TMPRSS6: variants seen among roughly 807,000 people sequenced by gnomAD.
TMPRSS6 encodes transmembrane serine protease 6, also known as transmembrane protease serine 6.
A neutral mutation model predicts 101.5 loss-of-function variants in TMPRSS6; 67 were observed. The observed-to-expected ratio is 0.66, with a 90% CI of 0.54 to 0.81. TMPRSS6 has a LOEUF of 0.81. TMPRSS6 is among the 30% of genes least tolerant of loss of function. The probability of loss-of-function intolerance (pLI) is 0.00; values close to 1 mark genes in which losing one functional copy is unlikely to be tolerated. For synonymous variants in TMPRSS6, 453 were observed against 464.9 expected, an observed-to-expected ratio of 0.97 and a Z score of 0.33; for missense variants, 1,034 against 1,088.7, an observed-to-expected ratio of 0.95 and a Z score of 0.71.
intron 11 of TMPRSS6, 46 bp downstream of exon 11, chr22:37,075,089 A>G (rs762774759): frequency 3.1e-6 from 5 of 1,613,334 alleles, no homozygotes. Context: ...GATGGCCAAG[A>G]GGCAGCGAGT....
chr22:37,105,197 G>A (rs1327507272), intron 1 of TMPRSS6, among the ~76,000 whole-genome samples: 1 of 152,146 alleles, frequency 6.6e-6, no homozygotes. Flanking sequence ...AAGCCACAGT[G>A]ACTCTGTTGA....
chr22:37,108,936 G>A (rs558109831), intron 1 of TMPRSS6, among the ~76,000 whole-genome samples: 1 of 152,260 alleles, frequency 6.6e-6, no homozygotes, highest in South Asian at 2.1e-4. Context: ...ACCCACAGAT[G>A]TACACAGATG....
At chr22:37,098,380 T>A in intron 3 of TMPRSS6, 36 bp downstream of exon 3, 3 of 1,602,210 alleles carry the variant, frequency 1.9e-6, no homozygotes, top group Non-Finnish European at 1.7e-6. Flanking sequence ...TTCACCCCCA[T>A]ATTCCCTCCC....
chr22:37,098,501 C>G lies in TMPRSS6; in HGVS notation c.251G>C (p.Arg84Pro), dbSNP rs750512709. 2.0e-5 allele frequency: 32 copies of G among 1,614,008 alleles called. No individual in the cohort carries two copies. Among genetic ancestry groups the G allele is most frequent in the African/African-American group, 5.3e-5 (4 of 74,886 alleles). ...CTGGGAGAAGTGGCGATTGAGTACA[C>G]GCAGACTGCCTGAGTACACCTGGCT... is the stretch of plus-strand genomic sequence containing the variant. ...MVSQVYSGSL[R>P]VLNRHFSQDL... The change falls in exon 3 of 18, where the codon CGT (arginine) becomes CCT (proline). Residue 84 changes from arginine to proline, a missense_variant. Physicochemically the swap from Arg to Pro is moderately radical, Grantham distance 103 (BLOSUM62 -2). Coordinates refer to ENST00000676104, the MANE Select transcript of TMPRSS6 (RefSeq NM_001374504.1).
At position 37,078,985 on chromosome 22, in the gene TMPRSS6, G is replaced by A. The variant is rs534720705; in HGVS notation, c.1197-3705C>T. Among the ~76,000 whole-genome samples the A allele has an allele frequency of 5.7e-4, 84 of 147,878 alleles. No homozygotes were observed. The East Asian group carries it at 0.015, about 26-fold the overall frequency. The stretch of plus-strand genomic sequence containing the variant: ...AAAGAAAGAAAGAAAAAGAAAGAAA[G>A]AAAGAAAGAAAGAAAGAAAGAAAGA... On this transcript the variant is annotated intron_variant, in intron 10 of 17. Coordinates refer to ENST00000676104, the MANE Select transcript of TMPRSS6 (RefSeq NM_001374504.1).
chr22:37,109,959 A>C (rs2146205898), upstream of TMPRSS6, among the ~76,000 whole-genome samples: 1 of 151,992 alleles, frequency 6.6e-6, no homozygotes, highest in Admixed American at 6.5e-5. Flanking sequence ...AGGGGCTCAC[A>C]AGGGTGAGTC....
rs1325410711 is a variant in TMPRSS6 at position 37,098,546 on chromosome 22, T to A, written c.206A>T (p.Tyr69Phe). The A allele has an allele frequency of 6.2e-7, 1 of 1,614,146 alleles. No individual in the cohort carries two copies. The highest frequency in any genetic ancestry group is 8.5e-7 in the Non-Finnish European group (1 of 1,180,014). Residue 69 changes from tyrosine (Y) to phenylalanine (F), a missense_variant, in exon 3 of 18, where the codon TAC becomes TTC. Tyr to Phe is a conservative substitution (Grantham distance 22). Coordinates refer to ENST00000676104, the MANE Select transcript of TMPRSS6 (RefSeq NM_001374504.1). ...CTGGCTGACCATCACCTCCGCCTTGTACCCTGCCCAGGAAGGAACCAGCAG... is the reference window on the plus strand; with the variant it reads ...CTGGCTGACCATCACCTCCGCCTTGAACCCTGCCCAGGAAGGAACCAGCAG... The part of the protein sequence containing the change: ...AGVLLWYFLG[Y>F]KAEVMVSQVY...
At chr22:37,080,912 C>G (rs1427827693) in intron 10 of TMPRSS6, among the ~76,000 whole-genome samples, 1 of 152,264 alleles carries the variant, frequency 6.6e-6, no homozygotes, top group Non-Finnish European at 1.5e-5. Flanking sequence ...CACACGTGGA[C>G]CACACACACA....
At chr22:37,079,005 G>GAAAGAAAGAAAGAAAGAA (rs1569006332) in intron 10 of TMPRSS6, among the ~76,000 whole-genome samples, 1 of 151,472 alleles carries the variant, frequency 6.6e-6, no homozygotes, top group African/African-American at 2.4e-5. Flanking sequence ...AAGAAAGAAA[G>GAAAGAAAGAAAGAAAGAA]AAAGAAAGAA....
intron 7 of TMPRSS6, among the ~76,000 whole-genome samples, chr22:37,086,938 T>C (rs1928838139): frequency 6.6e-6 from 1 of 152,138 alleles, no homozygotes; most frequent in Admixed American, 6.5e-5. Flanking sequence ...TCGGAACAAA[T>C]AACCGTATCT....
intron 8 of TMPRSS6, among the ~76,000 whole-genome samples, chr22:37,085,214 G>T (rs915096430): frequency 6.6e-6 from 1 of 152,148 alleles, no homozygotes; most frequent in South Asian, 2.1e-4. Context: ...CCAAGATGAG[G>T]TTCGGAGAAA....
intron 10 of TMPRSS6, among the ~76,000 whole-genome samples, chr22:37,082,262 G>A (rs544086153): frequency 3.3e-4 from 50 of 152,104 alleles, no homozygotes; most frequent in Non-Finnish European, 6.5e-4. Context: ...TGCACTGAAC[G>A]CCTGTCTTAG....
intron 5 of TMPRSS6, 58 bp from the exon 6 acceptor site, chr22:37,095,650 G>T (rs966764325): frequency 2.8e-6 from 4 of 1,422,978 alleles, no homozygotes. Flanking sequence ...AAAAAGAAAA[G>T]AAAATACAAT....
At chr22:37,086,106 C>T (rs1292794498) in intron 8 of TMPRSS6, among the ~76,000 whole-genome samples, 177 bp downstream of exon 8, 5 of 135,566 alleles carry the variant, frequency 3.7e-5, no homozygotes, top group Admixed American at 2.4e-4. Context: ...GAAGTGCAAA[C>T]GACGGAAGGA....
intron 1 of TMPRSS6, among the ~76,000 whole-genome samples, chr22:37,107,385 T>G (rs1930779255): frequency 6.6e-6 from 1 of 151,990 alleles, no homozygotes; most frequent in South Asian, 2.1e-4. Context: ...ACTCTTGTCT[T>G]TACTATCTTA....
intron 10 of TMPRSS6, chr22:37,082,704 C>T (rs1401734171): frequency 8.8e-6 from 3 of 339,192 alleles, no homozygotes; most frequent in Non-Finnish European, 1.7e-5. Context: ...CCCAGCAGCA[C>T]AGGCCTGATG....
chr22:37,088,140 C>T (rs931676105), intron 7 of TMPRSS6, among the ~76,000 whole-genome samples: 2 of 152,146 alleles, frequency 1.3e-5, no homozygotes, highest in Non-Finnish European at 1.5e-5. Context: ...CCAGGGGAAA[C>T]CCCTAAGTGT....
At position 37,065,568 on chromosome 22, in the gene TMPRSS6, A is replaced by C. The variant is rs1231557033; in HGVS notation, c.*512T>G. ...TCAGGACTTCCCCACCTTTTGGCTT[A>C]CAGTGGCAGCAGGCCCACCTGGCAG... is the stretch of plus-strand genomic sequence containing the variant. On this transcript the variant is annotated 3_prime_UTR_variant, in exon 18 of 18. Coordinates refer to ENST00000676104, the MANE Select transcript of TMPRSS6 (RefSeq NM_001374504.1). 1 of 161,688 alleles carries C rather than the reference A, an allele frequency of 6.2e-6. No homozygotes were observed. Among genetic ancestry groups the C allele is most frequent in the African/African-American group, 2.4e-5 (1 of 41,678 alleles). The allele number at this position is 161,688 out of a possible 1,614,324, so 10.0% of individuals were successfully genotyped here.
chr22:37,101,914 G>A lies in TMPRSS6; in HGVS notation c.202+1302C>T, dbSNP rs1241223167. 6.6e-6 allele frequency among the ~76,000 whole-genome samples: 1 copy of A among 152,228 alleles called. No individual in the cohort carries two copies. Among genetic ancestry groups the A allele is most frequent in the Non-Finnish European group, 1.5e-5 (1 of 68,034 alleles). ...GGGGCACTGGCTTCCTGCTGGTGGT[G>A]AAATGCACATGGCGTCTACTGCCTG... On this transcript the variant is annotated intron_variant, in intron 2 of 17. Transcript: ENST00000676104. This position sits in a 1 kb window ranked among gnomAD's most constrained non-coding sequence, Gnocchi z 4.1.
Sources: gnomAD v4.1 joint callset for allele counts (sites outside exome capture counted in the v4.1 genomes callset) on GRCh38, gnomAD v4.1.1 for gene constraint, Gnocchi (gnomAD v3.1) non-coding constraint, MANE v1.5 for transcripts, NCBI Gene and HGNC (gene_info 2026-07-23, HGNC 2026-07-21) for gene names.